The following TXLNB variants were observed in gnomAD, a reference collection of about 807,000 sequenced individuals.
TXLNB encodes taxilin beta, also known as beta-taxilin.
In TXLNB, 37 loss-of-function variants were observed where a neutral mutation model predicts 57.4. The observed-to-expected ratio is 0.64, with a 90% CI of 0.50 to 0.85. The LOEUF (loss-of-function observed/expected upper bound fraction) is 0.85. Among genes scored for constraint, TXLNB ranks in the 40% least tolerant of loss-of-function variants. The pLI is 0.00. For synonymous variants in TXLNB, 302 were observed against 309.6 expected (o/e 0.98, Z 0.26); for missense variants, 848 against 825.6 (o/e 1.03, Z -0.33).
the TXLNB span, among the ~76,000 whole-genome samples, chr6:139,302,787 A>G: frequency 2.6e-5 from 4 of 152,058 alleles, no homozygotes; most frequent in African/African-American, 9.7e-5. Context: ...TACGTCTTGA[A>G]AAAAAGAAAA....
chr6:139,173,301 T>C, the TXLNB span, among the ~76,000 whole-genome samples: 3 of 152,216 alleles, frequency 2.0e-5, no homozygotes, highest in African/African-American at 7.2e-5. Context: ...TAAAGTGCTT[T>C]CCACATCCCA....
intron 4 of TXLNB, among the ~76,000 whole-genome samples, chr6:139,263,083 C>T (rs1047765397): frequency 3.9e-5 from 6 of 152,084 alleles, no homozygotes; most frequent in African/African-American, 2.4e-5. Flanking sequence ...CACAGTCACA[C>T]GATTTTGATC....
intron 2 of TXLNB, among the ~76,000 whole-genome samples, chr6:139,277,467 G>C (rs778692582): frequency 1.3e-5 from 2 of 152,118 alleles, no homozygotes; most frequent in Admixed American, 6.5e-5. Flanking sequence ...CTTTTAGGGG[G>C]AACCAAGTTT....
At chr6:139,294,070 T>G (rs1032372969), upstream of TXLNB, among the ~76,000 whole-genome samples, 2 of 152,222 alleles carry the variant, frequency 1.3e-5, no homozygotes, top group East Asian at 3.8e-4. Flanking sequence ...TGAACCTACA[T>G]GTACTAAAAT....
the TXLNB span, chr6:139,166,283 G>A: frequency 6.3e-7 from 1 of 1,587,026 alleles, no homozygotes; most frequent in Non-Finnish European, 8.6e-7. Flanking sequence ...TCCTCCCCCA[G>A]AAGCCCCATG....
chr6:139,245,270 G>A (rs900593127), intron 8 of TXLNB, among the ~76,000 whole-genome samples: 6 of 152,180 alleles, frequency 3.9e-5, no homozygotes, highest in African/African-American at 9.6e-5. Flanking sequence ...TGGGGAAACC[G>A]AAGTTCGGAG....
chr6:139,165,584 CTTT>C, the TXLNB span, among the ~76,000 whole-genome samples: 3 of 138,244 alleles, frequency 2.2e-5, no homozygotes, highest in African/African-American at 2.6e-5. Flanking sequence ...GTGGCAACCA[CTTT>C]TTTTTTTTTT....
the TXLNB span, among the ~76,000 whole-genome samples, chr6:139,159,432 C>T: frequency 6.6e-6 from 1 of 152,122 alleles, no homozygotes; most frequent in African/African-American, 2.4e-5. Flanking sequence ...GGAACCGGGA[C>T]TTACACATAA....
chr6:139,265,459 T>C (rs1029162106), intron 4 of TXLNB, among the ~76,000 whole-genome samples: 2 of 152,190 alleles, frequency 1.3e-5, no homozygotes. Context: ...TGTGTGTGTG[T>C]GTGCGTTTGA....
At chr6:139,233,848 TG>T in the TXLNB span, among the ~76,000 whole-genome samples, 9 of 152,172 alleles carry the variant, frequency 5.9e-5, no homozygotes, top group African/African-American at 2.2e-4. Context: ...ACTTTGGAAC[TG>T]GGTAACAGGC....
At chr6:139,316,663 G>A in the TXLNB span, among the ~76,000 whole-genome samples, 1 of 151,912 alleles carries the variant, frequency 6.6e-6, no homozygotes, top group Non-Finnish European at 1.5e-5. Flanking sequence ...TTTAACACAA[G>A]AATAACAAAA....
At chr6:139,283,374 C>CT (rs1777099474) in intron 2 of TXLNB, among the ~76,000 whole-genome samples, 1 of 142,992 alleles carries the variant, frequency 7.0e-6, no homozygotes, top group Non-Finnish European at 1.5e-5. Context: ...GTCGGGAGTT[C>CT]AAGACCAGCC....
upstream of TXLNB, among the ~76,000 whole-genome samples, chr6:139,293,176 C>A (rs1011477424): frequency 1.3e-5 from 2 of 152,256 alleles, no homozygotes; most frequent in Non-Finnish European, 2.9e-5. Context: ...CAGCTCACTG[C>A]AACCTCCCGG....
In TXLNB at chr6:139,240,069, G is replaced by A. The variant is rs1043027757; in HGVS notation, c.*2457C>T. The A allele has an allele frequency of 2.6e-5, 4 of 152,432 alleles. No individual in the cohort carries two copies. Among genetic ancestry groups the A allele is most frequent in the African/African-American group, 9.7e-5 (4 of 41,370 alleles). 9.4% of individuals were successfully genotyped at this position (152,432 alleles called of 1,614,324 possible). A position where few individuals can be genotyped will look rare whatever the true frequency, so the allele number is the denominator to read the frequency against. ...AAATGAGTACTAGAGAATTTGGGAA[G>A]AGAAGTACCTTTTTAATAGATATAT... is the stretch of plus-strand genomic sequence containing the variant. On this transcript the variant is annotated 3_prime_UTR_variant, in exon 10 of 10. Transcript: ENST00000358430.
chr6:139,237,593 T>C (rs891347610), downstream of TXLNB: 3 of 152,020 alleles, frequency 2.0e-5, no homozygotes, highest in African/African-American at 7.2e-5. Flanking sequence ...TATACATATG[T>C]AACAGACACA....
At chr6:139,238,516 T>C (rs56802775), downstream of TXLNB, among the ~76,000 whole-genome samples, 5,486 of 152,300 alleles carry the variant, frequency 0.036, 297 homozygotes, top group African/African-American at 0.12. Flanking sequence ...CACACGCACA[T>C]GTGACAGAAG....
rs1054769632 is a variant in TXLNB, at chr6:139,241,196, C to T, written c.*1330G>A. On this transcript the variant is annotated 3_prime_UTR_variant, in exon 10 of 10. Coordinates refer to ENST00000358430, the MANE Select transcript of TXLNB (RefSeq NM_153235.4). ...TATTTCAAATCATTTTGGTTAAAATCCATTGGTTTTTTTGTTTTGTACTTC... is the reference window on the plus strand; with the variant it reads ...TATTTCAAATCATTTTGGTTAAAATTCATTGGTTTTTTTGTTTTGTACTTC... The T allele has an allele frequency of 2.6e-5, 4 of 152,180 alleles. No homozygotes were observed. The highest frequency in any genetic ancestry group is 9.7e-5 in the African/African-American group (4 of 41,434). 9.4% of individuals were successfully genotyped at this position (152,180 alleles called of 1,614,324 possible).
the TXLNB span, among the ~76,000 whole-genome samples, chr6:139,301,696 C>T: frequency 6.6e-6 from 1 of 152,184 alleles, no homozygotes; most frequent in African/African-American, 2.4e-5. Context: ...CAAGCCCCCA[C>T]CAAGTCTATG....
At chr6:139,286,685 T>C (rs36044402) in intron 2 of TXLNB, among the ~76,000 whole-genome samples, 23,080 of 152,156 alleles carry the variant, frequency 0.15, 1,847 homozygotes, top group South Asian at 0.22. Context: ...ATCACTCACA[T>C]TACCACCTGA....
Sources: allele counts gnomAD v4.1 joint callset (sites outside exome capture counted in the v4.1 genomes callset), GRCh38; gene constraint gnomAD v4.1.1; transcripts MANE v1.5; gene names NCBI Gene and HGNC (gene_info 2026-07-23, HGNC 2026-07-21).